The following CASKIN2 variants were observed in gnomAD, a reference collection of about 807,000 sequenced individuals.
CASKIN2 encodes the protein CASK interacting protein 2, also known as caskin-2.
A neutral mutation model predicts 107.1 loss-of-function variants in CASKIN2; 41 were observed. The observed-to-expected ratio is 0.38, with a 90% confidence interval of 0.30 to 0.50. The LOEUF (loss-of-function observed/expected upper bound fraction) is 0.50. Among genes scored for constraint, CASKIN2 ranks in the 20% least tolerant of loss-of-function variants. The pLI, the probability that CASKIN2 is intolerant of heterozygous loss-of-function variation, is 0.92. For missense variants in CASKIN2, 1,546 were observed against 1,657.4 expected (o/e 0.93, Z 1.17); for synonymous variants, 724 against 705.6 (o/e 1.03, Z -0.41).
At position 75,502,343 on chromosome 17, in the gene CASKIN2, C is replaced by G. The variant is rs1424552085; in HGVS notation, c.2731G>C (p.Ala911Pro). 1 of 1,479,892 alleles carries G rather than the reference C, an allele frequency of 6.8e-7. No homozygotes were observed. Among genetic ancestry groups the G allele is most frequent in the East Asian group, 2.4e-5 (1 of 42,372 alleles). The allele number at this position is 1,479,892 out of a possible 1,614,324, so 91.7% of individuals were successfully genotyped here. A position where few individuals can be genotyped will look rare whatever the true frequency, so the allele number is the denominator to read the frequency against. ...GPRRRTLSEP[A>P]GPSEPPGPPA... ...GGGCCAGGGGGCTCTGAGGGGCCAG[C>G]AGGTTCACTCAGTGTTCGCCTTCGG... The change falls in exon 18 of 20, where the codon GCT (alanine) becomes CCT (proline). Residue 911 changes from alanine (A) to proline (P), a missense_variant. By Grantham distance (27) the Ala-to-Pro change is conservative. Transcript: ENST00000321617. The surrounding 1 kb of genome is among the most constrained non-coding windows in gnomAD (Gnocchi z 4.3).
At chr17:75,507,705 AG>A in intron 3 of CASKIN2, 24 bp from the exon 4 acceptor site, 1 of 1,582,600 alleles carries the variant, frequency 6.3e-7, no homozygotes, top group Non-Finnish European at 8.7e-7. Context: ...ACACAAAGTT[AG>A]GGGTGTTGGT....
chr17:75,505,052 C>T lies in CASKIN2; in HGVS notation c.952G>A (p.Gly318Ser), dbSNP rs769667783. The T allele has an allele frequency of 2.0e-5, 33 of 1,610,946 alleles. No homozygotes were observed. Among genetic ancestry groups the T allele is most frequent in the African/African-American group, 1.9e-4 (14 of 74,502 alleles). Reference protein sequence around the residue: ...VITVLEQHPDGRWKGHIHESQ... With the variant: ...VITVLEQHPDSRWKGHIHESQ... ...TCGTGGATGTGGCCCTTCCAGCGGC[C>T]GTCGGGATGCTGTTCTAGCACCTGC... The change falls in exon 11 of 20, where the codon GGC (glycine) becomes AGC (serine). Residue 318 changes from glycine to serine, a missense_variant. This residue lies in a region of CASKIN2 where 1,311 missense variants were observed against 1,311.0 expected (regional missense o/e 1.00). Transcript: ENST00000321617. The surrounding 1 kb of genome is among the most constrained non-coding windows in gnomAD (Gnocchi z 5.1).
At chr17:75,508,774 C>T (rs1206035379) in intron 2 of CASKIN2, among the ~76,000 whole-genome samples, 3 of 152,234 alleles carry the variant, frequency 2.0e-5, no homozygotes, top group Admixed American at 2.0e-4. Flanking sequence ...CCAACACTGG[C>T]TCTGCCAGGC....
chr17:75,504,765 G>A, intron 11 of CASKIN2, 47 bp downstream of exon 11: 1 of 1,578,264 alleles, frequency 6.3e-7, no homozygotes, highest in Admixed American at 1.7e-5. Context: ...GCTTGCCCAG[G>A]CCACACGCCC....
Position 75,506,959 on chromosome 17 carries a change from C to T in CASKIN2, c.390+25G>A, listed in dbSNP as rs199841404. On this transcript the variant is annotated intron_variant, in intron 5 of 19. Transcript: ENST00000321617. The surrounding 1 kb of genome is among the most constrained non-coding windows in gnomAD (Gnocchi z 4.8). ...CGGCACCCCACCCTGCCCTGCGCCA[C>T]GCCCCTGTGGGCAGCCTCACGTACC... 247 of 1,612,788 alleles carry T rather than the reference C, an allele frequency of 1.5e-4. No homozygotes were observed. Among genetic ancestry groups the T allele is most frequent in the Non-Finnish European group, 1.9e-4 (226 of 1,179,438 alleles).
chr17:75,501,276 C>A, intron 19 of CASKIN2, 106 bp from the exon 20 acceptor site: 1 of 1,237,410 alleles, frequency 8.1e-7, no homozygotes, highest in Non-Finnish European at 1.1e-6. Context: ...AGGCAAGGGA[C>A]CGGCCAGGCT....
At chr17:75,508,358 C>A in intron 2 of CASKIN2, 73 bp from the exon 3 acceptor site, 1 of 1,521,616 alleles carries the variant, frequency 6.6e-7, no homozygotes, top group Non-Finnish European at 9.0e-7. Context: ...CCCCACCTGT[C>A]ACAGCCCGGC....
chr17:75,502,928 C>A lies in CASKIN2; in HGVS notation c.2146G>T (p.Ala716Ser). ...RGSGHSQEQP[A>S]PQPSGGDPSP... is the part of the protein sequence containing the mutation. Reference sequence around the variant, plus strand: ...GGATCTCCACCGCTGGGCTGTGGGGCAGGCTGTTCCTGTGAGTGGCCAGAC... The same window carrying A: ...GGATCTCCACCGCTGGGCTGTGGGGAAGGCTGTTCCTGTGAGTGGCCAGAC... The change falls in exon 18 of 20, where the codon GCC (alanine) becomes TCC (serine). Residue 716 changes from alanine to serine, a missense_variant. By Grantham distance (99) the Ala-to-Ser change is moderately conservative. Around this residue, in one of 6 missense-constraint regions of CASKIN2, gnomAD observed 1,311 missense variants for 1,311.0 expected, o/e 1.00. Transcript: ENST00000321617. The surrounding 1 kb of genome is among the most constrained non-coding windows in gnomAD (Gnocchi z 4.3). The A allele has an allele frequency of 6.4e-7, 1 of 1,565,546 alleles. No homozygotes were observed.
intron 2 of CASKIN2, among the ~76,000 whole-genome samples, chr17:75,511,250 G>A (rs531678017): frequency 3.2e-4 from 49 of 151,742 alleles, no homozygotes; most frequent in Admixed American, 2.6e-3. Flanking sequence ...TAGTAGAGAC[G>A]GGGCTTCACC....
chr17:75,513,714 T>A lies in CASKIN2; in HGVS notation c.91A>T (p.Thr31Ser). The A allele has an allele frequency of 6.2e-7, 1 of 1,613,648 alleles. No individual in the cohort carries two copies. The highest frequency in any genetic ancestry group is 8.5e-7 in the Non-Finnish European group (1 of 1,179,908). Reference sequence around the variant, plus strand: ...GCTCGTCCCACCCGGTACTCACTTGTCTTTGTGGCCTTGACCTTCGCCACC... The same window carrying A: ...GCTCGTCCCACCCGGTACTCACTTGACTTTGTGGCCTTGACCTTCGCCACC... ...KLVAKVKATK[T>S]KLLGSTKRLN... Residue 31 changes from threonine to serine, a missense_variant, in exon 2 of 20, where the codon ACA becomes TCA. Physicochemically the swap from Thr to Ser is moderately conservative, Grantham distance 58 (BLOSUM62 1). Transcript: ENST00000321617.
At position 75,505,888 on chromosome 17, in the gene CASKIN2, C is replaced by T. The variant is rs761106127; in HGVS notation, c.768G>A (p.Thr256=). ...DVNIRNTYNQ[T]ALDIVNQFTT... ...TGAACTGATTCACTATGTCCAGCGCCGTCTGGTTATACGTATTCCGGATGT... is the reference window on the plus strand; with the variant it reads ...TGAACTGATTCACTATGTCCAGCGCTGTCTGGTTATACGTATTCCGGATGT... The change falls in exon 9 of 20, where the codon ACG becomes ACA. Residue 256 remains threonine (T), a synonymous_variant. Transcript: ENST00000321617. The surrounding 1 kb of genome is among the most constrained non-coding windows in gnomAD (Gnocchi z 5.1). The T allele has an allele frequency of 1.2e-5, 20 of 1,613,460 alleles. 1 individual carries two copies. Among genetic ancestry groups the T allele is most frequent in the East Asian group, 6.7e-5 (3 of 44,880 alleles).
chr17:75,506,075 A>G lies in CASKIN2; in HGVS notation c.727-146T>C, dbSNP rs1375758528. On this transcript the variant is annotated intron_variant, in intron 8 of 19. Coordinates refer to ENST00000321617, the MANE Select transcript of CASKIN2 (RefSeq NM_020753.5). This position sits in a 1 kb window ranked among gnomAD's most constrained non-coding sequence, Gnocchi z 4.8. Reference sequence around the variant, plus strand: ...AGGCTCAGGGACTCAGTCAAGGACAAGCTCAAGTTCACTCAGCTAGTAAGA... The same window carrying G: ...AGGCTCAGGGACTCAGTCAAGGACAGGCTCAAGTTCACTCAGCTAGTAAGA... The G allele has an allele frequency of 2.5e-6, 2 of 786,570 alleles. No homozygotes were observed. The highest frequency in any genetic ancestry group is 4.1e-6 in the Non-Finnish European group (2 of 492,618). 48.7% of individuals were successfully genotyped at this position (786,570 alleles called of 1,614,324 possible).
At position 75,503,763 on chromosome 17, in the gene CASKIN2, G is replaced by T; in HGVS notation, c.1579-3C>A. 6.2e-7 allele frequency: 1 copy of T among 1,612,346 alleles called. No individual in the cohort carries two copies. Among genetic ancestry groups the T allele is most frequent in the Non-Finnish European group, 8.5e-7 (1 of 1,179,926 alleles). On this transcript the variant is annotated splice_region_variant and splice_polypyrimidine_tract_variant and intron_variant, in intron 15 of 19. Coordinates refer to ENST00000321617, the MANE Select transcript of CASKIN2 (RefSeq NM_020753.5). ...GTCACCCCGATGGCCGTCAGGTCCT[G>T]CCACACAAAGTCTGGCCATCAGGCC...
chr17:75,507,407 C>T (rs116961238), intron 4 of CASKIN2, among the ~76,000 whole-genome samples, 177 bp downstream of exon 4: 1 of 152,302 alleles, frequency 6.6e-6, no homozygotes, highest in East Asian at 1.9e-4. Flanking sequence ...TAGTACCACT[C>T]GCCTATGCAA....
chr17:75,504,422 G>T lies in CASKIN2; in HGVS notation c.1373C>A (p.Ala458Glu), dbSNP rs2146985951. Reference protein sequence around the residue: ...VLPGLHPPSLADNLSHRPLAN... With the variant: ...VLPGLHPPSLEDNLSHRPLAN... ...CCAGGTCCCCTGACCCTTCCTACCT[G>T]CCAGGGACGGCGGGTGGAGTCCTGG... The change falls in exon 13 of 20, where the codon GCA (alanine) becomes GAA (glutamate). Residue 458 changes from alanine to glutamate, a missense_variant and splice_region_variant. This residue lies in a region of CASKIN2 where 1,311 missense variants were observed against 1,311.0 expected (regional missense o/e 1.00). Coordinates refer to ENST00000321617, the MANE Select transcript of CASKIN2 (RefSeq NM_020753.5). The T allele has an allele frequency of 6.2e-7, 1 of 1,606,808 alleles. No homozygotes were observed. The highest frequency in any genetic ancestry group is 2.2e-5 in the East Asian group (1 of 44,660).
chr17:75,507,151 TGAGG>T, intron 4 of CASKIN2, 22 bp from the exon 5 acceptor site: 1 of 1,598,984 alleles, frequency 6.3e-7, no homozygotes, highest in Non-Finnish European at 8.5e-7. Context: ...AAAGGGTTTC[TGAGG>T]GAGGTCCTGG....
At chr17:75,508,378 G>GGCGT in intron 2 of CASKIN2, 93 bp from the exon 3 acceptor site, 2 of 1,414,656 alleles carry the variant, frequency 1.4e-6, no homozygotes, top group Non-Finnish European at 2.0e-6. Context: ...CTGACCTCTT[G>GGCGT]GCGTGCAGGA....
rs754667802 is a variant in CASKIN2, at chr17:75,502,084, C to T, written c.2990G>A (p.Arg997Gln). The T allele has an allele frequency of 1.9e-5, 30 of 1,610,856 alleles. No homozygotes were observed. The highest frequency in any genetic ancestry group is 7.7e-5 in the South Asian group (7 of 91,076). The change falls in exon 18 of 20, where the codon CGG becomes CAG. Residue 997 changes from arginine (R) to glutamine (Q), a missense_variant. By Grantham distance (43) the Arg-to-Gln change is conservative. Around this residue, in one of 6 missense-constraint regions of CASKIN2, gnomAD observed 1,311 missense variants for 1,311.0 expected, o/e 1.00. Transcript: ENST00000321617. The surrounding 1 kb of genome is among the most constrained non-coding windows in gnomAD (Gnocchi z 4.3). ...TGCGGTCTGCAGTGGCTCTCTCTCC[C>T]GGCACTTGGGCCTCCGCTTAACAGT... ...SDTVKRRPKC[R>Q]EREPLQTALL...
In CASKIN2 at chr17:75,506,280, C is replaced by A; in HGVS notation, c.726+25G>T. The A allele has an allele frequency of 1.3e-6, 2 of 1,578,826 alleles. No homozygotes were observed. The highest frequency in any genetic ancestry group is 8.7e-7 in the Non-Finnish European group (1 of 1,152,770). On this transcript the variant is annotated intron_variant, in intron 8 of 19. Coordinates refer to ENST00000321617, the MANE Select transcript of CASKIN2 (RefSeq NM_020753.5). This position sits in a 1 kb window ranked among gnomAD's most constrained non-coding sequence, Gnocchi z 4.8. ...AGGGCAGAGGCTCCATGGACACCTG[C>A]GAGGGAGCAGGGGCCCATACCCACC...
Sources: allele counts gnomAD v4.1 joint callset (sites outside exome capture counted in the v4.1 genomes callset), GRCh38; gene constraint gnomAD v4.1.1; regional missense constraint gnomAD v4.1.1; non-coding constraint Gnocchi (gnomAD v3.1); transcripts MANE v1.5; gene names NCBI Gene and HGNC (gene_info 2026-07-23, HGNC 2026-07-21).